The following FYTTD1 variants were observed in gnomAD, a reference collection of about 807,000 sequenced individuals.
FYTTD1 encodes the protein UAP56-interacting factor.
In FYTTD1, 22 loss-of-function variants were observed where a neutral mutation model predicts 40.9. The observed-to-expected ratio is 0.54, with a 90% CI of 0.38 to 0.77. The LOEUF is 0.77. FYTTD1 is among the 30% of genes least tolerant of loss of function. The pLI, the probability that FYTTD1 is intolerant of heterozygous loss-of-function variation, is 0.00. For missense variants in FYTTD1, 351 were observed against 392.2 expected (o/e 0.90, Z 0.89); for synonymous variants, 140 against 137.9 (o/e 1.01, Z -0.10).
intron 3 of FYTTD1, among the ~76,000 whole-genome samples, 167 bp from the exon 4 acceptor site, chr3:197,769,965 T>C (rs1199782541): frequency 6.6e-6 from 1 of 152,200 alleles, no homozygotes; most frequent in African/African-American, 2.4e-5. Flanking sequence ...TTTTCATCTT[T>C]TCAGTCATGT....
chr3:197,764,590 T>G (rs961413739), intron 2 of FYTTD1, among the ~76,000 whole-genome samples: 12 of 151,138 alleles, frequency 7.9e-5, no homozygotes, highest in Non-Finnish European at 1.5e-4. Context: ...GCGCCTGTAG[T>G]CCCAGCTACT....
intron 4 of FYTTD1, among the ~76,000 whole-genome samples, chr3:197,772,475 T>G (rs1729748342): frequency 6.6e-6 from 1 of 152,214 alleles, no homozygotes; most frequent in South Asian, 2.1e-4. Flanking sequence ...CCATGGCACA[T>G]GTATAGCTAC....
At position 197,785,221 on chromosome 3, in the gene FYTTD1, T is replaced by C. The variant is rs200847561; in HGVS notation, c.*3312T>C. The stretch of plus-strand genomic sequence containing the variant: ...AGGCATAAACTCTTCACCACAATTT[T>C]AATTACAGTCATCCCTCAGTATACA... On this transcript the variant is annotated 3_prime_UTR_variant, in exon 9 of 9. Coordinates refer to ENST00000241502, the MANE Select transcript of FYTTD1 (RefSeq NM_032288.7). 6.6e-6 allele frequency: 1 copy of C among 152,224 alleles called. No individual in the cohort carries two copies. Among genetic ancestry groups the C allele is most frequent in the East Asian group, 1.9e-4 (1 of 5,206 alleles). 9.4% of individuals were successfully genotyped at this position (152,224 alleles called of 1,614,324 possible).
intron 2 of FYTTD1, among the ~76,000 whole-genome samples, chr3:197,764,005 A>G (rs574923566): frequency 7.2e-5 from 11 of 151,976 alleles, no homozygotes; most frequent in African/African-American, 1.4e-4. Context: ...GGCTTGGAGG[A>G]TTTTTTTTAA....
chr3:197,780,918 A>G (rs557151392), intron 8 of FYTTD1, among the ~76,000 whole-genome samples: 11 of 151,948 alleles, frequency 7.2e-5, no homozygotes, highest in African/African-American at 9.7e-5. Flanking sequence ...TATTCCTGAT[A>G]TGCTGAGAAT....
intron 2 of FYTTD1, among the ~76,000 whole-genome samples, chr3:197,757,360 T>C (rs1455347485): frequency 6.6e-6 from 1 of 152,242 alleles, no homozygotes; most frequent in African/African-American, 2.4e-5. Context: ...TTCAGATATG[T>C]AAAAATATGT....
At chr3:197,768,156 T>C (rs1412687609) in intron 2 of FYTTD1, among the ~76,000 whole-genome samples, 3 of 152,172 alleles carry the variant, frequency 2.0e-5, no homozygotes, top group Non-Finnish European at 4.4e-5. Flanking sequence ...AGGTAAAGAC[T>C]CGACAGACTG....
chr3:197,764,075 A>G (rs2109043528), intron 2 of FYTTD1, among the ~76,000 whole-genome samples: 1 of 152,306 alleles, frequency 6.6e-6, no homozygotes, highest in Non-Finnish European at 1.5e-5. Flanking sequence ...TGGAGCTGAA[A>G]ATGTAAAAGG....
chr3:197,763,179 C>T lies in FYTTD1; in HGVS notation c.236-5260C>T, dbSNP rs571700295. ...AGGTAATCCCAGCACTTTGGGAGCC[C>T]GAGGTGGGTGGATCACCTGAGGTCA... On this transcript the variant is annotated intron_variant, in intron 2 of 8. Coordinates refer to ENST00000241502, the MANE Select transcript of FYTTD1 (RefSeq NM_032288.7). Among the ~76,000 whole-genome samples, 4 of 151,450 alleles carry T rather than the reference C, an allele frequency of 2.6e-5. No homozygotes were observed. The South Asian group carries it at 8.4e-4, about 32-fold the overall frequency.
At chr3:197,763,343 G>A (rs1729445237) in intron 2 of FYTTD1, 1 of 259,824 alleles carries the variant, frequency 3.8e-6, no homozygotes, top group Non-Finnish European at 7.7e-6. Context: ...GAACTGGGGA[G>A]GCGGAGGTTG....
chr3:197,750,495 C>G, intron 1 of FYTTD1: 1 of 988,404 alleles, frequency 1.0e-6, no homozygotes, highest in Non-Finnish European at 1.2e-6. Context: ...TCCGACCGAG[C>G]CGTTCTCTCT....
chr3:197,780,527 A>C (rs1730000830), intron 8 of FYTTD1, among the ~76,000 whole-genome samples: 1 of 152,128 alleles, frequency 6.6e-6, no homozygotes, highest in Non-Finnish European at 1.5e-5. Flanking sequence ...GTCACCATTT[A>C]GTATGATATT....
intron 4 of FYTTD1, among the ~76,000 whole-genome samples, chr3:197,773,062 T>C (rs146362841): frequency 9.1e-4 from 139 of 152,348 alleles, no homozygotes; most frequent in African/African-American, 3.2e-3. Flanking sequence ...TTCTTTGTAC[T>C]AATCCTATAA....
At chr3:197,764,563 G>A (rs1729483252) in intron 2 of FYTTD1, among the ~76,000 whole-genome samples, 1 of 151,936 alleles carries the variant, frequency 6.6e-6, no homozygotes, top group Non-Finnish European at 1.5e-5. Context: ...CAAAAAATTA[G>A]CTGGGCATGG....
At chr3:197,760,095 C>A (rs1729333596) in intron 2 of FYTTD1, among the ~76,000 whole-genome samples, 1 of 148,526 alleles carries the variant, frequency 6.7e-6, no homozygotes, top group African/African-American at 2.5e-5. Flanking sequence ...TAGAATGTTC[C>A]TCAGTGGTAG....
At chr3:197,779,552 A>G (rs111334678) in intron 8 of FYTTD1, among the ~76,000 whole-genome samples, 4,825 of 30,422 alleles carry the variant, frequency 0.16, 340 homozygotes, top group African/African-American at 0.28. Flanking sequence ...TTTTTTTGTG[A>G]AACAGTCTCA....
intron 3 of FYTTD1, among the ~76,000 whole-genome samples, chr3:197,768,968 T>A (rs1183563513): frequency 6.6e-6 from 1 of 151,960 alleles, no homozygotes; most frequent in Non-Finnish European, 1.5e-5. Context: ...AATTTTCATG[T>A]TGGCCAGGCT....
chr3:197,755,728 TC>T, intron 1 of FYTTD1: 1 of 1,364,094 alleles, frequency 7.3e-7, no homozygotes, highest in African/African-American at 1.5e-5. Context: ...CCTCAAATGA[TC>T]CGCCCACCTC....
intron 6 of FYTTD1, among the ~76,000 whole-genome samples, chr3:197,775,982 A>G (rs1251623069): frequency 6.6e-6 from 1 of 152,166 alleles, no homozygotes; most frequent in Non-Finnish European, 1.5e-5. Context: ...AGAAAGTGAG[A>G]GGTACAAACA....
Sources: gnomAD v4.1 joint callset for allele counts (sites outside exome capture counted in the v4.1 genomes callset) on GRCh38, gnomAD v4.1.1 for gene constraint, MANE v1.5 for transcripts, NCBI Gene and HGNC (gene_info 2026-07-23, HGNC 2026-07-21) for gene names.